HDAC8: variants seen among roughly 807,000 people sequenced by gnomAD.
The protein encoded by HDAC8 is histone deacetylase-like 1.
In HDAC8, 1 loss-of-function variant was observed where a neutral mutation model predicts 32.2. That is an observed-to-expected ratio of 0.03 (90% CI 0.01 to 0.15). The LOEUF is 0.15. HDAC8 is among the 10% of genes least tolerant of loss of function. The pLI is 1.00. For missense variants in HDAC8, 117 were observed against 300.0 expected (o/e 0.39, Z 4.51); for synonymous variants, 108 against 113.9 (o/e 0.95, Z 0.33).
chrX:72,381,888 A>T (rs782610999), intron 9 of HDAC8, among the ~76,000 whole-genome samples: 1 of 112,400 alleles, frequency 8.9e-6, no homozygotes, highest in African/African-American at 3.2e-5. Context: ...CTATTAAATC[A>T]TTAGGCTGTC....
intron 9 of HDAC8, among the ~76,000 whole-genome samples, chrX:72,359,270 T>C (rs1222115857): frequency 1.8e-5 from 2 of 110,291 alleles, no homozygotes; most frequent in African/African-American, 6.6e-5. Context: ...GAATACTGTT[T>C]TTTTTTTTAA....
chrX:72,365,237 G>A (rs782212175), intron 9 of HDAC8, among the ~76,000 whole-genome samples: 35 of 111,726 alleles, frequency 3.1e-4, no homozygotes, highest in Admixed American at 7.6e-4. Context: ...ATTTTGGAGC[G>A]TTTTAAAGTT....
chrX:72,464,788 G>A (rs1229147758), intron 7 of HDAC8, 57 bp from the exon 8 acceptor site: 14 of 844,237 alleles, frequency 1.7e-5, no homozygotes, highest in Non-Finnish European at 2.4e-5. Context: ...GGGTAGTGGT[G>A]GTGGTAGGGC....
At chrX:72,515,158 T>C (rs1461653656) in intron 4 of HDAC8, among the ~76,000 whole-genome samples, 1 of 111,168 alleles carries the variant, frequency 9.0e-6, no homozygotes, top group Non-Finnish European at 1.9e-5. Context: ...GTATTCATCT[T>C]GTGTACCTGA....
intron 2 of HDAC8, among the ~76,000 whole-genome samples, chrX:72,571,553 C>CTTTTTTTTTTTTTTTTTTTTTTTT (rs782331910): frequency 1.6e-4 from 5 of 30,449 alleles, no homozygotes; most frequent in Non-Finnish European, 3.0e-4. Context: ...TTCTTTCTTT[C>CTTTTTTTTTTTTTTTTTTTTTTTT]TTTTTTTTTT....
intron 4 of HDAC8, among the ~76,000 whole-genome samples, chrX:72,539,609 T>C (rs2050641429): frequency 1.8e-5 from 2 of 111,574 alleles, no homozygotes; most frequent in African/African-American, 6.5e-5. Flanking sequence ...TAAAAAGGGT[T>C]ATTTTGTCAG....
intron 4 of HDAC8, among the ~76,000 whole-genome samples, chrX:72,567,049 GC>G (rs1252203185): frequency 6.2e-5 from 7 of 112,164 alleles, no homozygotes; most frequent in Admixed American, 5.7e-4. Flanking sequence ...GGAGGCTGAG[GC>G]AGGAGAATCA....
In HDAC8 at chrX:72,513,328, CT is replaced by C. The variant is rs782414687; in HGVS notation, c.438-18061del. On this transcript the variant is annotated intron_variant, in intron 4 of 10. Coordinates refer to ENST00000373573, the MANE Select transcript of HDAC8 (RefSeq NM_018486.3). ...CTATGCTTTAAACTTTTTCTAATTA[CT>C]TTTTTTTTTTTTTTGAGACTGAGTC... 9.2e-3 allele frequency among the ~76,000 whole-genome samples: 946 copies of C among 102,334 alleles called. 5 individuals are homozygous for C. Among genetic ancestry groups the C allele is most frequent in the Middle Eastern group, 0.02 (4 of 205 alleles). 88.9% of individuals were successfully genotyped at this position (102,334 alleles called of 115,157 possible).
intron 4 of HDAC8, among the ~76,000 whole-genome samples, chrX:72,544,723 G>A (rs1017629253): frequency 8.9e-5 from 10 of 111,756 alleles, no homozygotes; most frequent in African/African-American, 3.3e-4. Flanking sequence ...TCAAAATATT[G>A]CCCAAGAACT....
chrX:72,568,882 A>T lies in HDAC8; in HGVS notation c.167T>A (p.Ile56Lys). The change falls in exon 3 of 11, where the codon ATA becomes AAA. Residue 56 changes from isoleucine to lysine, a missense_variant and splice_region_variant. By Grantham distance (102) the Ile-to-Lys change is moderately radical. Coordinates refer to ENST00000373573, the MANE Select transcript of HDAC8 (RefSeq NM_018486.3). ...EAYALHKQMR[I>K]VKPKVASMEE... ...CATGGAGGCCACTTTAGGCTTAACT[A>T]TCCTAATAATAACAGAGAGAACAAA... The T allele has an allele frequency of 8.3e-7, 1 of 1,207,871 alleles. No homozygotes were observed. The highest frequency in any genetic ancestry group is 1.1e-6 in the Non-Finnish European group (1 of 893,644).
chrX:72,448,062 T>C (rs2047463326), intron 9 of HDAC8, among the ~76,000 whole-genome samples: 1 of 112,209 alleles, frequency 8.9e-6, no homozygotes, highest in Non-Finnish European at 1.9e-5. Flanking sequence ...ATTGACTTTC[T>C]TCACAGAATT....
intron 2 of HDAC8, among the ~76,000 whole-genome samples, chrX:72,569,386 A>G (rs1359633210): frequency 8.9e-6 from 1 of 112,321 alleles, no homozygotes; most frequent in Non-Finnish European, 1.9e-5. Flanking sequence ...CTAGCTCTAT[A>G]ACCTCAGATA....
chrX:72,387,046 A>T (rs909968639), intron 9 of HDAC8, among the ~76,000 whole-genome samples: 1 of 111,816 alleles, frequency 8.9e-6, no homozygotes, highest in Non-Finnish European at 1.9e-5. Context: ...AAAACCGAAA[A>T]CTCTACTCTT....
Position 72,491,026 on chromosome X carries a change from C to T in HDAC8, c.551-20G>A. The T allele has an allele frequency of 9.2e-7, 1 of 1,085,905 alleles. No individual in the cohort carries two copies. The highest frequency in any genetic ancestry group is 1.8e-5 in the African/African-American group (1 of 55,357). The allele number at this position is 1,085,905 out of a possible 1,213,427, so 89.5% of individuals were successfully genotyped here. On this transcript the variant is annotated intron_variant, in intron 5 of 10. Coordinates refer to ENST00000373573, the MANE Select transcript of HDAC8 (RefSeq NM_018486.3). Reference sequence around the variant, plus strand: ...CTACACCTAACAGATAAAGAAACATCAAAAGAATCACTTCACATATGGCAT... The same window carrying T: ...CTACACCTAACAGATAAAGAAACATTAAAAGAATCACTTCACATATGGCAT...
At chrX:72,442,606 G>A (rs2047194373) in intron 9 of HDAC8, among the ~76,000 whole-genome samples, 1 of 111,614 alleles carries the variant, frequency 9.0e-6, no homozygotes, top group South Asian at 3.7e-4. Flanking sequence ...GATCATCAAG[G>A]CTAGGAAGAA....
At chrX:72,424,324 C>A (rs782361551) in intron 9 of HDAC8, among the ~76,000 whole-genome samples, 6 of 111,076 alleles carry the variant, frequency 5.4e-5, no homozygotes, top group Non-Finnish European at 9.4e-5. Flanking sequence ...GTTGGGCAAC[C>A]AGTGGGCCCT....
At chrX:72,340,413 C>A (rs782043031) in intron 10 of HDAC8, among the ~76,000 whole-genome samples, 1 of 111,934 alleles carries the variant, frequency 8.9e-6, no homozygotes, top group East Asian at 2.8e-4. Flanking sequence ...ATGGGAATAG[C>A]AGTGGTAGGA....
At chrX:72,455,110 T>C (rs1555989133) in intron 9 of HDAC8, among the ~76,000 whole-genome samples, 1 of 112,206 alleles carries the variant, frequency 8.9e-6, no homozygotes, top group African/African-American at 3.2e-5. Flanking sequence ...AGTGCTAAAA[T>C]GTTCAAAGTG....
rs1010923546 is a variant in HDAC8, at chrX:72,465,913, T to C, written c.738-1182A>G. Among the ~76,000 whole-genome samples, 6 of 111,025 alleles carry C rather than the reference T, an allele frequency of 5.4e-5. No individual in the cohort carries two copies. In the South Asian group the frequency reaches 2.3e-3, roughly 43 times the overall value. On this transcript the variant is annotated intron_variant, in intron 7 of 10. Transcript: ENST00000373573. ...GCATTCTTTGACTCAAAGGACTGTT[T>C]TGTTTTGATTTCTCATCTACACAGA...
Sources: allele counts gnomAD v4.1 joint callset (sites outside exome capture counted in the v4.1 genomes callset), GRCh38; gene constraint gnomAD v4.1.1; transcripts MANE v1.5; gene names NCBI Gene and HGNC (gene_info 2026-07-23, HGNC 2026-07-21).